CDK12: variants seen among roughly 807,000 people sequenced by gnomAD.
CDK12 encodes the protein cyclin dependent kinase 12.
Under a neutral mutation model 133.8 loss-of-function variants are expected in CDK12, and 17 were observed. The ratio of observed to expected loss-of-function variants is 0.13; its 90% CI spans 0.09 to 0.19. CDK12 has a LOEUF of 0.19. CDK12 is among the 10% of genes least tolerant of loss of function. The pLI is 1.00. For missense variants in CDK12, 1,508 were observed against 1,818.7 expected (o/e 0.83, Z 3.11); for synonymous variants, 694 against 683.6 (o/e 1.02, Z -0.24).
chr17:39,517,690 A>G, intron 10 of CDK12, 134 bp downstream of exon 10: 2 of 619,968 alleles, frequency 3.2e-6, no homozygotes, highest in Non-Finnish European at 5.8e-6. Flanking sequence ...TTTAGTTTCG[A>G]ACAGTATATG....
At chr17:39,564,706 C>T (rs760425756) in intron 3 of CDK12, 6 of 152,128 alleles carry the variant, frequency 3.9e-5, no homozygotes, top group Non-Finnish European at 7.4e-5. Context: ...ATTCAGTTCC[C>T]CTCCCCTGTC....
chr17:39,462,014 G>A lies in CDK12; in HGVS notation c.-58G>A, dbSNP rs1450414697. On this transcript the variant is annotated 5_prime_UTR_variant, in exon 1 of 14. Coordinates refer to ENST00000447079, the MANE Select transcript of CDK12 (RefSeq NM_016507.4). The stretch of plus-strand genomic sequence containing the variant: ...AGTTGGGGTTGGGGGGGTGGGTGGG[G>A]GTTGCTTTTTGGAGTGCTGGGGAAC... The A allele has an allele frequency of 7.0e-7, 1 of 1,428,792 alleles. No homozygotes were observed. The highest frequency in any genetic ancestry group is 9.6e-7 in the Non-Finnish European group (1 of 1,037,594). 88.5% of individuals were successfully genotyped at this position (1,428,792 alleles called of 1,614,324 possible).
chr17:39,528,632 G>A (rs1183185320), intron 13 of CDK12, among the ~76,000 whole-genome samples: 2 of 152,210 alleles, frequency 1.3e-5, no homozygotes, highest in African/African-American at 2.4e-5. Context: ...ACCATGCCCA[G>A]CCTTTGCTAC....
At chr17:39,496,094 T>C (rs2052088536) in intron 5 of CDK12, among the ~76,000 whole-genome samples, 1 of 151,948 alleles carries the variant, frequency 6.6e-6, no homozygotes, top group African/African-American at 2.4e-5. Flanking sequence ...ATAATTTTAA[T>C]AGAGACCGGG....
intron 13 of CDK12, among the ~76,000 whole-genome samples, chr17:39,529,458 A>G (rs1296061025): frequency 6.6e-6 from 1 of 152,220 alleles, no homozygotes; most frequent in Non-Finnish European, 1.5e-5. Flanking sequence ...TATATATTTT[A>G]AAATATGCTT....
At chr17:39,492,985 TTTTGTTTG>T (rs201614723) in intron 4 of CDK12, 95 bp downstream of exon 4, 47 of 1,102,750 alleles carry the variant, frequency 4.3e-5, no homozygotes, top group Middle Eastern at 4.8e-4. Context: ...TTCTGAGGTG[TTTTGTTTG>T]TTTGTTTGTT....
Position 39,485,605 on chromosome 17 carries a change from G to T in CDK12, c.1932-4952G>T, listed in dbSNP as rs146916973. ...TTTTTTTTGTATTTTGGTAGAGACA[G>T]GGTTTCACAATGTTTGCCAGGATGG... On this transcript the variant is annotated intron_variant, in intron 2 of 13. Transcript: ENST00000447079. Among the ~76,000 whole-genome samples the T allele has an allele frequency of 4.5e-3, 676 of 151,900 alleles. 2 individuals carry two copies. Among genetic ancestry groups the T allele is most frequent in the African/African-American group, 0.015 (640 of 41,444 alleles).
chr17:39,510,456 C>T (rs1436778517), intron 7 of CDK12, among the ~76,000 whole-genome samples: 5 of 151,864 alleles, frequency 3.3e-5, no homozygotes, highest in Admixed American at 6.6e-5. Flanking sequence ...TTCTAGTATT[C>T]TGCAAGTTGC....
intron 3 of CDK12, among the ~76,000 whole-genome samples, chr17:39,492,197 A>G (rs569589261): frequency 7.0e-6 from 1 of 143,864 alleles, no homozygotes; most frequent in South Asian, 2.2e-4. Flanking sequence ...CCTGGGTTCA[A>G]GTGATTCTCC....
intron 2 of CDK12, among the ~76,000 whole-genome samples, chr17:39,552,744 T>G (rs1597703700): frequency 1.3e-5 from 2 of 152,322 alleles, no homozygotes; most frequent in Admixed American, 1.3e-4. Flanking sequence ...TGTTTGTTTT[T>G]GAGATGGAGT....
At chr17:39,465,299 C>A (rs924162189) in intron 1 of CDK12, among the ~76,000 whole-genome samples, 2 of 147,946 alleles carry the variant, frequency 1.4e-5, no homozygotes, top group African/African-American at 5.0e-5. Context: ...ATCTACCTGT[C>A]CATTAATCTA....
At chr17:39,550,097 G>C (rs961705672), upstream of CDK12, 5 of 152,072 alleles carry the variant, frequency 3.3e-5, no homozygotes, top group African/African-American at 1.2e-4. Flanking sequence ...GCTGGGGCAG[G>C]GGGGTATAGA....
rs1318615476 is a variant in CDK12 at position 39,530,902 on chromosome 17, T to C, written c.4059T>C (p.Thr1353=). The C allele has an allele frequency of 1.9e-6, 3 of 1,614,170 alleles. No individual in the cohort carries two copies. Among genetic ancestry groups the C allele is most frequent in the South Asian group, 1.1e-5 (1 of 91,088 alleles). The change falls in exon 14 of 14, where the codon ACT becomes ACC. Residue 1353 remains threonine (T), a synonymous_variant. Coordinates refer to ENST00000447079, the MANE Select transcript of CDK12 (RefSeq NM_016507.4). ...AAACAGGGTTCAGTGCCATTGACAC[T>C]GATGAACGAAACTCTGGTCCAGCCT... ...GPETGFSAID[T]DERNSGPALT... is the part of the protein sequence containing the mutation.
At chr17:39,509,912 C>A (rs2053374994) in intron 7 of CDK12, 151 bp downstream of exon 7, 5 of 643,430 alleles carry the variant, frequency 7.8e-6, no homozygotes, top group Admixed American at 2.6e-5. Flanking sequence ...GGTGATTCTC[C>A]CACCTTAGTC....
chr17:39,524,651 C>G, intron 11 of CDK12, 23 bp from the exon 12 acceptor site: 2 of 1,601,084 alleles, frequency 1.2e-6, no homozygotes, highest in South Asian at 2.2e-5. Flanking sequence ...TACATATTTC[C>G]CCTTTGCTTT....
chr17:39,526,027 C>G lies in CDK12; in HGVS notation c.3471C>G (p.Ile1157Met). ...QQQLEALNQSISALTEATSQQ... is the reference protein window; with the variant it reads ...QQQLEALNQSMSALTEATSQQ... ...AGCTGGAAGCCCTGAACCAATCCAT[C>G]AGTGCCCTGACGGAAGCTACTTCCC... The change falls in exon 13 of 14, where the codon ATC becomes ATG. Residue 1157 changes from isoleucine to methionine, a missense_variant. Around this residue, in one of 9 missense-constraint regions of CDK12, gnomAD observed 399 missense variants for 469.6 expected, o/e 0.85. Transcript: ENST00000447079. The G allele has an allele frequency of 6.2e-7, 1 of 1,614,228 alleles. No homozygotes were observed. Among genetic ancestry groups the G allele is most frequent in the Non-Finnish European group, 8.5e-7 (1 of 1,180,038 alleles).
intron 7 of CDK12, 72 bp from the exon 8 acceptor site, chr17:39,511,457 C>T: frequency 1.0e-6 from 1 of 962,928 alleles, no homozygotes; most frequent in Non-Finnish European, 1.6e-6. Flanking sequence ...TTTCTATTTG[C>T]ATTTAGTTAT....
At chr17:39,543,543 G>A (rs1224635477), upstream of CDK12, among the ~76,000 whole-genome samples, 2 of 152,234 alleles carry the variant, frequency 1.3e-5, no homozygotes, top group Admixed American at 6.5e-5. Flanking sequence ...AGATTAGAAA[G>A]AGTTAATGGG....
chr17:39,517,221 C>G (rs780027516), intron 9 of CDK12, among the ~76,000 whole-genome samples: 5 of 152,010 alleles, frequency 3.3e-5, no homozygotes, highest in Non-Finnish European at 7.4e-5. Flanking sequence ...GATTATTATC[C>G]GAGTATTTTT....
Sources: gnomAD v4.1 joint callset for allele counts (sites outside exome capture counted in the v4.1 genomes callset) on GRCh38, gnomAD v4.1.1 for gene constraint, gnomAD v4.1.1 regional missense constraint, MANE v1.5 for transcripts, NCBI Gene and HGNC (gene_info 2026-07-23, HGNC 2026-07-21) for gene names.